The following TTC16 variants were observed in gnomAD, a reference collection of about 807,000 sequenced individuals.
The protein encoded by TTC16 is tetratricopeptide repeat protein 16.
Under a neutral mutation model 80.4 loss-of-function variants are expected in TTC16, and 66 were observed. The observed-to-expected ratio is 0.82, with a 90% CI of 0.67 to 1.01. TTC16 has a LOEUF of 1.01. Among genes scored for constraint, TTC16 ranks in the 50% least tolerant of loss-of-function variants. TTC16 has a pLI of 0.00. For synonymous variants in TTC16, 438 were observed against 451.3 expected, an observed-to-expected ratio of 0.97 and a Z score of 0.37; for missense variants, 1,070 against 1,103.2, an observed-to-expected ratio of 0.97 and a Z score of 0.43.
rs1476832711 is a variant in TTC16, at chr9:127,717,439, T to C, written c.282+15T>C. 1 of 1,606,828 alleles carries C rather than the reference T, an allele frequency of 6.2e-7. No homozygotes were observed. Among genetic ancestry groups the C allele is most frequent in the East Asian group, 2.2e-5 (1 of 44,724 alleles). On this transcript the variant is annotated intron_variant, in intron 3 of 13. Coordinates refer to ENST00000373289, the MANE Select transcript of TTC16 (RefSeq NM_144965.3). ...ACCCACAGCTGGTGAGAGGCAGACCTGGGTGGGCACAGGCAGTTGCTGGAA... is the reference window on the plus strand; with the variant it reads ...ACCCACAGCTGGTGAGAGGCAGACCCGGGTGGGCACAGGCAGTTGCTGGAA...
rs138086806 is a variant in TTC16, at chr9:127,723,295, C to T, written c.834C>T (p.Ile278=). The T allele has an allele frequency of 3.3e-4, 531 of 1,612,962 alleles. No homozygotes were observed. In the African/African-American group the frequency reaches 4.1e-3, roughly 13 times the overall value. The change falls in exon 7 of 14, where the codon ATC becomes ATT. Residue 278 remains isoleucine, a synonymous_variant. Transcript: ENST00000373289. ...CACTGCAGCGGATCAACCGTGCCAT[C>T]GAGAACAACCCTCTGGACCCCAGTC... ...QHALQRINRA[I]ENNPLDPSLF... is the part of the protein sequence containing the mutation.
chr9:127,726,894 A>G (rs1844021791), intron 10 of TTC16, 76 bp from the exon 11 acceptor site: 1 of 1,570,254 alleles, frequency 6.4e-7, no homozygotes, highest in Non-Finnish European at 8.7e-7. Context: ...CTGGCTGTGC[A>G]GGGTCAGGGC....
intron 9 of TTC16, among the ~76,000 whole-genome samples, chr9:127,725,948 T>C (rs1843918863): frequency 1.3e-5 from 2 of 152,190 alleles, no homozygotes; most frequent in African/African-American, 4.8e-5. Context: ...ACTTGGAACT[T>C]AATCATAGTC....
intron 1 of TTC16, 119 bp downstream of exon 1, chr9:127,716,282 G>C: frequency 6.9e-7 from 1 of 1,446,506 alleles, no homozygotes; most frequent in Non-Finnish European, 9.7e-7. Context: ...ACTCAGGGAA[G>C]GCCCTGGCCG....
chr9:127,730,984 G>A lies in TTC16; in HGVS notation c.2201G>A (p.Ser734Asn), dbSNP rs530984484. The A allele has an allele frequency of 4.3e-6, 7 of 1,612,772 alleles. No homozygotes were observed. The highest frequency in any genetic ancestry group is 1.7e-5 in the Admixed American group (1 of 59,966). The stretch of plus-strand genomic sequence containing the variant: ...ACCCAGGGCCAGGGGCAGAGCTCCA[G>A]CAAGACTGAGGCCACTCAGGGCCAG... ...RATQGQGQSSSKTEATQGQRQ... is the reference protein window; with the variant it reads ...RATQGQGQSSNKTEATQGQRQ... Residue 734 changes from serine to asparagine, a missense_variant, in exon 14 of 14, where the codon AGC (serine) becomes AAC (asparagine). Transcript: ENST00000373289.
At position 127,726,955 on chromosome 9, in the gene TTC16, C is replaced by A. The variant is rs768576814; in HGVS notation, c.1426-15C>A. ...CTGGCCCTCACCTGGCTCTGGTCAC[C>A]CCCTTTCGTGGCAGCTGTCCCTGCT... On this transcript the variant is annotated splice_polypyrimidine_tract_variant and intron_variant, in intron 10 of 13. Transcript: ENST00000373289. 6.2e-6 allele frequency: 10 copies of A among 1,613,126 alleles called. No individual in the cohort carries two copies. The highest frequency in any genetic ancestry group is 1.7e-5 in the Admixed American group (1 of 60,016).
chr9:127,730,624 C>A lies in TTC16; in HGVS notation c.1853-12C>A, dbSNP rs369041496. ...GCAGGCCTGATGGGTGCTTTTGGCA[C>A]CCCCTTCCTAGTCAGGACCACAGGC... On this transcript the variant is annotated splice_polypyrimidine_tract_variant and intron_variant, in intron 13 of 13. Coordinates refer to ENST00000373289, the MANE Select transcript of TTC16 (RefSeq NM_144965.3). The A allele has an allele frequency of 2.5e-6, 4 of 1,609,190 alleles. No homozygotes were observed. The highest frequency in any genetic ancestry group is 1.7e-5 in the Admixed American group (1 of 59,924).
intron 4 of TTC16, among the ~76,000 whole-genome samples, chr9:127,719,352 A>T (rs1192845692): frequency 6.6e-6 from 1 of 152,166 alleles, no homozygotes; most frequent in African/African-American, 2.4e-5. Context: ...TCTGAGCCTC[A>T]GTTCCTTTAT....
At position 127,724,393 on chromosome 9, in the gene TTC16, G is replaced by A. The variant is rs770875993; in HGVS notation, c.1117+29G>A. ...CGCAGCGACCAGGGCACTGGGGAGG[G>A]GGGGTGCGGGGGAGCCTCGCCATCT... On this transcript the variant is annotated intron_variant, in intron 8 of 13. Coordinates refer to ENST00000373289, the MANE Select transcript of TTC16 (RefSeq NM_144965.3). The A allele has an allele frequency of 3.1e-6, 5 of 1,606,182 alleles. No homozygotes were observed. The African/African-American group carries it at 4.0e-5, about 13-fold the overall frequency.
chr9:127,720,526 C>A, intron 6 of TTC16, 131 bp downstream of exon 6: 1 of 1,227,384 alleles, frequency 8.1e-7, no homozygotes, highest in Non-Finnish European at 1.2e-6. Context: ...GGGTGCTGTC[C>A]TCCCTGGGAA....
chr9:127,726,596 G>C (rs532110544), intron 10 of TTC16, among the ~76,000 whole-genome samples, 192 bp downstream of exon 10: 1 of 151,770 alleles, frequency 6.6e-6, no homozygotes, highest in African/African-American at 2.4e-5. Context: ...GAGACCCACC[G>C]GGCCAACATG....
chr9:127,721,467 G>A (rs906273142), intron 6 of TTC16, among the ~76,000 whole-genome samples: 1 of 151,676 alleles, frequency 6.6e-6, no homozygotes. Context: ...CTGGGTGGAT[G>A]GGGAGCTGGG....
At chr9:127,729,772 T>A in intron 13 of TTC16, 104 bp downstream of exon 13, 1 of 1,025,582 alleles carries the variant, frequency 9.8e-7, no homozygotes, top group Non-Finnish European at 1.5e-6. Context: ...TCGGCCCCGC[T>A]GCTGACAGCT....
Position 127,727,301 on chromosome 9 carries a change from A to G in TTC16, c.1600A>G (p.Lys534Glu). 1 of 1,578,428 alleles carries G rather than the reference A, an allele frequency of 6.3e-7. No homozygotes were observed. The highest frequency in any genetic ancestry group is 8.6e-7 in the Non-Finnish European group (1 of 1,159,672). The part of the protein sequence containing the change: ...MLKRHELERQ[K>E]ALALQHSWKQ... ...TAAACGGCACGAGTTGGAGCGCCAG[A>G]AGGCCTTGGCCCTGCAGCACTCATG... Residue 534 changes from lysine to glutamate, a missense_variant, in exon 12 of 14, where the codon AAG becomes GAG. Lys to Glu is a moderately conservative substitution (Grantham distance 56). Transcript: ENST00000373289.
At chr9:127,726,585 C>T (rs1007912151) in intron 10 of TTC16, among the ~76,000 whole-genome samples, 181 bp downstream of exon 10, 2 of 151,958 alleles carry the variant, frequency 1.3e-5, no homozygotes, top group African/African-American at 2.4e-5. Flanking sequence ...GTCAGGAGTT[C>T]GAGACCCACC....
Position 127,727,385 on chromosome 9 carries a change from C to G in TTC16, c.1684C>G (p.Pro562Ala). 6.2e-7 allele frequency: 1 copy of G among 1,611,550 alleles called. No individual in the cohort carries two copies. The highest frequency in any genetic ancestry group is 8.5e-7 in the Non-Finnish European group (1 of 1,179,198). The change falls in exon 12 of 14, where the codon CCG (proline) becomes GCG (alanine). Residue 562 changes from proline (P) to alanine (A), a missense_variant. Physicochemically the swap from Pro to Ala is conservative, Grantham distance 27 (BLOSUM62 -1). Transcript: ENST00000373289. ...GGAGCTGAAGGCCACCCCTGAGATT[C>G]CGCAGGTAAAACCGGGAAGCTCAGA... ...SEELKATPEI[P>A]QVKPGSSEGE...
chr9:127,720,509 G>T, intron 6 of TTC16, 114 bp downstream of exon 6: 1 of 1,346,512 alleles, frequency 7.4e-7, no homozygotes, highest in African/African-American at 1.4e-5. Flanking sequence ...CCATCCCACA[G>T]TGCAGTGGGT....
chr9:127,730,541 C>T, intron 13 of TTC16, 95 bp from the exon 14 acceptor site: 1 of 1,521,750 alleles, frequency 6.6e-7, no homozygotes, highest in Non-Finnish European at 8.7e-7. Context: ...GCCTCTGGGC[C>T]ACAGGCCAGT....
In TTC16 at chr9:127,724,895, C is replaced by T. The variant is rs1053916223; in HGVS notation, c.1257C>T (p.Arg419=). The T allele has an allele frequency of 1.3e-6, 2 of 1,530,292 alleles. No individual in the cohort carries two copies. Among genetic ancestry groups the T allele is most frequent in the Non-Finnish European group, 1.8e-6 (2 of 1,141,968 alleles). The allele number at this position is 1,530,292 out of a possible 1,614,324, so 94.8% of individuals were successfully genotyped here. A position where few individuals can be genotyped will look rare whatever the true frequency, so the allele number is the denominator to read the frequency against. ...QEKMGFCEQR[R]KQFQKAENHF... is the part of the protein sequence containing the mutation. ...AGATGGGCTTCTGCGAGCAGAGGCG[C>T]AAGTGCGTGGGCTCCCGCCCCCACG... The change falls in exon 9 of 14, where the codon CGC becomes CGT. Residue 419 remains arginine (R), a splice_region_variant and synonymous_variant. Coordinates refer to ENST00000373289, the MANE Select transcript of TTC16 (RefSeq NM_144965.3).
Sources: gnomAD v4.1 joint callset for allele counts (sites outside exome capture counted in the v4.1 genomes callset) on GRCh38, gnomAD v4.1.1 for gene constraint, MANE v1.5 for transcripts, NCBI Gene and HGNC (gene_info 2026-07-23, HGNC 2026-07-21) for gene names.